Variants in SGCD observed in about 807,000 individuals in gnomAD.
SGCD encodes delta-sarcoglycan.
Under a neutral mutation model 36.6 loss-of-function variants are expected in SGCD, and 18 were observed. That is an observed-to-expected ratio of 0.49 (90% CI 0.34 to 0.73). SGCD has a LOEUF of 0.73. Among genes scored for constraint, SGCD ranks in the 30% least tolerant of loss-of-function variants. The pLI, the probability that SGCD is intolerant of heterozygous loss-of-function variation, is 0.01. For missense variants in SGCD, 387 were observed against 346.7 expected, an observed-to-expected ratio of 1.12 and a Z score of -0.92; for synonymous variants, 133 against 130.6, an observed-to-expected ratio of 1.02 and a Z score of -0.12.
chr5:156,024,424 T>C (rs1009471634), intron 1 of SGCD, among the ~76,000 whole-genome samples: 3 of 150,886 alleles, frequency 2.0e-5, no homozygotes, highest in African/African-American at 4.8e-5. Context: ...CAGACACAGA[T>C]AAAATTCAGT....
At chr5:156,347,220 T>C (rs574484403) in intron 3 of SGCD, among the ~76,000 whole-genome samples, 3 of 152,214 alleles carry the variant, frequency 2.0e-5, no homozygotes, top group Admixed American at 1.3e-4. Context: ...ATGGGGAAAG[T>C]TTGTTAGAGC....
At chr5:156,413,600 C>T (rs528969326) in intron 3 of SGCD, among the ~76,000 whole-genome samples, 1 of 152,306 alleles carries the variant, frequency 6.6e-6, no homozygotes, top group African/African-American at 2.4e-5. Context: ...CCTCAGCCAC[C>T]TGAGTATCTG....
At chr5:156,101,431 A>C (rs1761512087) in intron 1 of SGCD, among the ~76,000 whole-genome samples, 1 of 152,218 alleles carries the variant, frequency 6.6e-6, no homozygotes, top group Non-Finnish European at 1.5e-5. Flanking sequence ...TAAGAAGCTA[A>C]GGAAAGCTGT....
intron 1 of SGCD, among the ~76,000 whole-genome samples, chr5:155,946,134 G>A (rs186729108): frequency 7.9e-5 from 12 of 152,310 alleles, no homozygotes; most frequent in African/African-American, 2.9e-4. Flanking sequence ...GGTAAGAAAT[G>A]CTGGATTGCA....
chr5:156,126,812 A>G (rs139247588), intron 3 of SGCD, among the ~76,000 whole-genome samples: 1 of 152,290 alleles, frequency 6.6e-6, no homozygotes, highest in African/African-American at 2.4e-5. Flanking sequence ...TTCTCAGCCT[A>G]TGCTGTTTAA....
At chr5:156,251,681 AT>A (rs1168960172) in intron 3 of SGCD, among the ~76,000 whole-genome samples, 2 of 151,758 alleles carry the variant, frequency 1.3e-5, no homozygotes, top group South Asian at 4.2e-4. Context: ...CACCCAGCTA[AT>A]TTTTTGTATT....
At chr5:156,520,062 G>C (rs1757335671) in intron 4 of SGCD, among the ~76,000 whole-genome samples, 1 of 152,164 alleles carries the variant, frequency 6.6e-6, no homozygotes, top group Non-Finnish European at 1.5e-5. Context: ...AATAGGAAGA[G>C]AGGAAGTCAA....
At chr5:155,784,674 C>G in the SGCD span, among the ~76,000 whole-genome samples, 1 of 146,308 alleles carries the variant, frequency 6.8e-6, no homozygotes, top group Non-Finnish European at 1.5e-5. Flanking sequence ...TTTGCATCCT[C>G]TTGCCTGAAT....
In SGCD at chr5:156,088,186, C is replaced by T. The variant is rs548009115; in HGVS notation, c.-281-29692C>T. Among the ~76,000 whole-genome samples the T allele has an allele frequency of 2.6e-5, 4 of 152,154 alleles. No homozygotes were observed. In the South Asian group the frequency reaches 8.3e-4, roughly 32 times the overall value. ...TGATTTGTCATCCATATAAAGCTTT[C>T]CTAGATTTGAAGAAACCTGTTTTTA... is the stretch of plus-strand genomic sequence containing the variant. On this transcript the variant is annotated intron_variant, in intron 1 of 9. Coordinates refer to the SGCD transcript ENST00000517913.
At chr5:156,127,992 A>G (rs1045463322) in intron 3 of SGCD, among the ~76,000 whole-genome samples, 4 of 152,228 alleles carry the variant, frequency 2.6e-5, no homozygotes, top group African/African-American at 9.6e-5. Flanking sequence ...TAAATACTTT[A>G]AACTTCATGA....
chr5:156,093,892 A>C (rs1444022218), intron 1 of SGCD, among the ~76,000 whole-genome samples: 5 of 152,210 alleles, frequency 3.3e-5, no homozygotes, highest in Admixed American at 6.5e-5. Context: ...TGATTGAATA[A>C]AACAGGCATT....
chr5:155,903,634 C>T (rs1007465085), intron 1 of SGCD, among the ~76,000 whole-genome samples: 2 of 152,168 alleles, frequency 1.3e-5, no homozygotes, highest in South Asian at 2.1e-4. Context: ...ATTAAAAATA[C>T]ACCTCTTCTT....
At chr5:156,451,492 A>C (rs773585063) in intron 3 of SGCD, among the ~76,000 whole-genome samples, 4 of 152,190 alleles carry the variant, frequency 2.6e-5, no homozygotes, top group Non-Finnish European at 5.9e-5. Flanking sequence ...AAAACTTCCC[A>C]TCGGAGTCCA....
intron 4 of SGCD, among the ~76,000 whole-genome samples, chr5:156,530,768 A>G (rs909213655): frequency 6.6e-6 from 1 of 151,794 alleles, no homozygotes; most frequent in Non-Finnish European, 1.5e-5. Flanking sequence ...TCTAGTAGAG[A>G]TGGGTTTCCC....
At chr5:156,222,505 A>G (rs1003561862) in intron 3 of SGCD, among the ~76,000 whole-genome samples, 1 of 152,084 alleles carries the variant, frequency 6.6e-6, no homozygotes, top group Non-Finnish European at 1.5e-5. Context: ...TTAGTGAGGT[A>G]CATTGCTGTT....
intron 3 of SGCD, among the ~76,000 whole-genome samples, chr5:156,126,373 A>G (rs895694056): frequency 6.6e-6 from 1 of 152,202 alleles, no homozygotes; most frequent in Non-Finnish European, 1.5e-5. Flanking sequence ...TACTTACAAC[A>G]TAAATTTAGA....
intron 4 of SGCD, among the ~76,000 whole-genome samples, chr5:156,532,107 T>C (rs552716555): frequency 6.6e-6 from 1 of 151,950 alleles, no homozygotes; most frequent in Non-Finnish European, 1.5e-5. Context: ...CAAAACTTTG[T>C]CTCAAAAAAT....
chr5:156,701,848 G>A (rs1210062747), intron 7 of SGCD, among the ~76,000 whole-genome samples: 1 of 152,154 alleles, frequency 6.6e-6, no homozygotes, highest in African/African-American at 2.4e-5. Flanking sequence ...AAAAGTGATA[G>A]CATCTGCATG....
chr5:156,650,771 T>G (rs900366028), intron 7 of SGCD, among the ~76,000 whole-genome samples: 1 of 152,162 alleles, frequency 6.6e-6, no homozygotes, highest in Non-Finnish European at 1.5e-5. Context: ...TGTGTCTTAG[T>G]GTTGTATATT....
Sources: gnomAD v4.1 joint callset for allele counts (sites outside exome capture counted in the v4.1 genomes callset) on GRCh38, gnomAD v4.1.1 for gene constraint, MANE v1.5 for transcripts, NCBI Gene and HGNC (gene_info 2026-07-23, HGNC 2026-07-21) for gene names.